The following AGO1 variants were observed in gnomAD, a reference collection of about 807,000 sequenced individuals.
The protein encoded by AGO1 is protein argonaute-1.
Under a neutral mutation model 109.2 loss-of-function variants are expected in AGO1, and 11 were observed. That is an observed-to-expected ratio of 0.10 (90% CI 0.06 to 0.17). The LOEUF (loss-of-function observed/expected upper bound fraction) is 0.17. AGO1 is among the 10% of genes least tolerant of loss of function. AGO1 has a pLI of 1.00. For missense variants in AGO1, 574 were observed against 1,140.3 expected, an observed-to-expected ratio of 0.50 and a Z score of 7.15; for synonymous variants, 422 against 418.6, an observed-to-expected ratio of 1.01 and a Z score of -0.10.
intron 1 of AGO1, among the ~76,000 whole-genome samples, chr1:35,885,719 A>T (rs950877802): frequency 1.3e-5 from 2 of 152,272 alleles, no homozygotes; most frequent in African/African-American, 4.8e-5. Context: ...TTCCAAGCAC[A>T]TACAGTGGAC....
Position 35,893,550 on chromosome 1 carries a change from G to T in AGO1, c.513-124G>T. 1 of 1,041,440 alleles carries T rather than the reference G, an allele frequency of 9.6e-7. No individual in the cohort carries two copies. 64.5% of individuals were successfully genotyped at this position (1,041,440 alleles called of 1,614,324 possible). A position where few individuals can be genotyped will look rare whatever the true frequency, so the allele number is the denominator to read the frequency against. On this transcript the variant is annotated intron_variant, in intron 4 of 18. Coordinates refer to ENST00000373204, the MANE Select transcript of AGO1 (RefSeq NM_012199.5). This position sits in a 1 kb window ranked among gnomAD's most constrained non-coding sequence, Gnocchi z 5.6. The stretch of plus-strand genomic sequence containing the variant: ...CAAGGTCAGTCATACAACTAGTAAA[G>T]CATCAGAGCTGGCATTAAAGCCCCG...
chr1:35,890,457 TAAC>T lies in AGO1; in HGVS notation c.209+1850_209+1852del, dbSNP rs528256650. On this transcript the variant is annotated intron_variant, in intron 2 of 18. Coordinates refer to ENST00000373204, the MANE Select transcript of AGO1 (RefSeq NM_012199.5). The stretch of plus-strand genomic sequence containing the variant: ...GTTCTATACTTTGCATTTTTCCACT[TAAC>T]AATATATTTTTGAAGATATTACATA... 1.9e-3 allele frequency among the ~76,000 whole-genome samples: 285 copies of T among 152,318 alleles called. 2 individuals carry two copies. Among genetic ancestry groups the T allele is most frequent in the African/African-American group, 6.6e-3 (273 of 41,580 alleles).
rs1411490768 is a variant in AGO1, at chr1:35,919,954, A to C, written c.*347A>C. ...AAGACTCATGCTTGACAGCTTGGTA[A>C]GGTCAACTCTGTAGCCCTGCAGACA... On this transcript the variant is annotated 3_prime_UTR_variant, in exon 19 of 19. Transcript: ENST00000373204. This position sits in a 1 kb window ranked among gnomAD's most constrained non-coding sequence, Gnocchi z 6.6. 1 of 219,648 alleles carries C rather than the reference A, an allele frequency of 4.6e-6. No homozygotes were observed. The highest frequency in any genetic ancestry group is 9.1e-6 in the Non-Finnish European group (1 of 109,722). 13.6% of individuals were successfully genotyped at this position (219,648 alleles called of 1,614,324 possible).
chr1:35,888,308 C>A lies in AGO1; in HGVS notation c.26-119C>A. 2.0e-6 allele frequency: 2 copies of A among 1,007,212 alleles called. No individual in the cohort carries two copies. Among genetic ancestry groups the A allele is most frequent in the Non-Finnish European group, 2.9e-6 (2 of 689,514 alleles). The allele number at this position is 1,007,212 out of a possible 1,614,324, so 62.4% of individuals were successfully genotyped here. ...GGAAGCCCTTGGCTGGGTTGGGTAGCAGGAAAGAGGCATTCTCTATACTCT... is the reference window on the plus strand; with the variant it reads ...GGAAGCCCTTGGCTGGGTTGGGTAGAAGGAAAGAGGCATTCTCTATACTCT... On this transcript the variant is annotated intron_variant, in intron 1 of 18. Transcript: ENST00000373204. The surrounding 1 kb of genome is among the most constrained non-coding windows in gnomAD (Gnocchi z 4.1).
intron 12 of AGO1, among the ~76,000 whole-genome samples, chr1:35,911,070 GA>G (rs150487636): frequency 0.042 from 6,172 of 148,554 alleles, 418 homozygotes; most frequent in African/African-American, 0.14. Flanking sequence ...TGTCTCAAAA[GA>G]AAAAAAAAAT....
In AGO1 at chr1:35,921,325, C is replaced by T. The variant is rs1446323086; in HGVS notation, c.*1718C>T. The T allele has an allele frequency of 1.6e-5, 2 of 128,776 alleles. No homozygotes were observed. The highest frequency in any genetic ancestry group is 1.5e-5 in the Non-Finnish European group (1 of 64,962). The allele number at this position is 128,776 out of a possible 1,614,324, so 8.0% of individuals were successfully genotyped here. A position where few individuals can be genotyped will look rare whatever the true frequency, so the allele number is the denominator to read the frequency against. ...TTTTGTCTTGAGACATGGGGTTTGGCTGTCTTGCAGGACTGGAGAAGGTGG... is the reference window on the plus strand; with the variant it reads ...TTTTGTCTTGAGACATGGGGTTTGGTTGTCTTGCAGGACTGGAGAAGGTGG... On this transcript the variant is annotated 3_prime_UTR_variant, in exon 19 of 19. Transcript: ENST00000373204.
In AGO1 at chr1:35,883,707, C is replaced by T. The variant is rs1176221135; in HGVS notation, c.25+261C>T. Among the ~76,000 whole-genome samples, 3 of 152,180 alleles carry T rather than the reference C, an allele frequency of 2.0e-5. No homozygotes were observed. Among genetic ancestry groups the T allele is most frequent in the Non-Finnish European group, 2.9e-5 (2 of 68,034 alleles). On this transcript the variant is annotated intron_variant, in intron 1 of 18. Coordinates refer to ENST00000373204, the MANE Select transcript of AGO1 (RefSeq NM_012199.5). This position sits in a 1 kb window ranked among gnomAD's most constrained non-coding sequence, Gnocchi z 5.4. Reference sequence around the variant, plus strand: ...AATCTGGGAGAAGGGCCTGCACGCACGGAAGGACTCCCAGACATCCGTGGA... The same window carrying T: ...AATCTGGGAGAAGGGCCTGCACGCATGGAAGGACTCCCAGACATCCGTGGA...
At chr1:35,874,235 A>G (rs1476523274) in intron 1 of AGO1, among the ~76,000 whole-genome samples, 1 of 152,152 alleles carries the variant, frequency 6.6e-6, no homozygotes, top group Non-Finnish European at 1.5e-5. Flanking sequence ...AGGCATGATC[A>G]TGGCTCACTG....
At chr1:35,904,005 T>A (rs1392050969) in intron 11 of AGO1, among the ~76,000 whole-genome samples, 1 of 151,658 alleles carries the variant, frequency 6.6e-6, no homozygotes, top group South Asian at 2.1e-4. Context: ...ATCTGGAGAC[T>A]ATGGGACCTG....
chr1:35,918,665 C>T (rs1280323745), intron 17 of AGO1, among the ~76,000 whole-genome samples: 1 of 152,182 alleles, frequency 6.6e-6, no homozygotes, highest in African/African-American at 2.4e-5. Context: ...TTCCTGCCTT[C>T]CCGCCTCAGC....
rs1645967015 is a variant in AGO1 at position 35,928,237 on chromosome 1, C to T, written c.*8630C>T. 6.6e-6 allele frequency: 1 copy of T among 152,216 alleles called. No individual in the cohort carries two copies. The allele number at this position is 152,216 out of a possible 1,614,324, so 9.4% of individuals were successfully genotyped here. On this transcript the variant is annotated 3_prime_UTR_variant, in exon 19 of 19. Coordinates refer to ENST00000373204, the MANE Select transcript of AGO1 (RefSeq NM_012199.5). The stretch of plus-strand genomic sequence containing the variant: ...GTGATATTGATCATCTTTTCATGTG[C>T]TCACTTACTATCCCCATATCTTTGT...
chr1:35,915,405 C>G lies in AGO1; in HGVS notation c.1891C>G (p.Arg631Gly). 1 of 1,614,046 alleles carries G rather than the reference C, an allele frequency of 6.2e-7. No individual in the cohort carries two copies. The highest frequency in any genetic ancestry group is 1.1e-5 in the South Asian group (1 of 91,084). The change falls in exon 15 of 19, where the codon CGA becomes GGA. Residue 631 changes from arginine (R) to glycine (G), a missense_variant. Arg to Gly is a moderately radical substitution (Grantham distance 125). Coordinates refer to ENST00000373204, the MANE Select transcript of AGO1 (RefSeq NM_012199.5). ...SRYCATVRVQ[R>G]PRQEIIEDLS... ...ATACTGTGCTACTGTGCGGGTACAGCGACCACGGCAAGAGATCATTGAAGA... is the reference window on the plus strand; with the variant it reads ...ATACTGTGCTACTGTGCGGGTACAGGGACCACGGCAAGAGATCATTGAAGA...
At chr1:35,905,150 G>A (rs114817834) in intron 11 of AGO1, among the ~76,000 whole-genome samples, 7 of 152,114 alleles carry the variant, frequency 4.6e-5, no homozygotes, top group African/African-American at 7.2e-5. Flanking sequence ...GAGAAGATTG[G>A]AAATAACGTC....
chr1:35,905,910 G>A (rs977565835), intron 11 of AGO1, among the ~76,000 whole-genome samples: 1 of 152,132 alleles, frequency 6.6e-6, no homozygotes, highest in Non-Finnish European at 1.5e-5. Flanking sequence ...TACTAAATAT[G>A]TGAAAAAATA....
chr1:35,908,579 T>C (rs1051677605), intron 12 of AGO1, among the ~76,000 whole-genome samples: 3 of 152,204 alleles, frequency 2.0e-5, no homozygotes, highest in African/African-American at 4.8e-5. Flanking sequence ...AAAACAGATA[T>C]AGTCTCTGCT....
chr1:35,901,736 C>T lies in AGO1; in HGVS notation c.1140+143C>T, dbSNP rs551164665. 9.4e-6 allele frequency: 13 copies of T among 1,387,552 alleles called. No individual in the cohort carries two copies. The highest frequency in any genetic ancestry group is 2.7e-5 in the South Asian group (2 of 72,834). 86.0% of individuals were successfully genotyped at this position (1,387,552 alleles called of 1,614,324 possible). On this transcript the variant is annotated intron_variant, in intron 9 of 18. Coordinates refer to ENST00000373204, the MANE Select transcript of AGO1 (RefSeq NM_012199.5). The surrounding 1 kb of genome is among the most constrained non-coding windows in gnomAD (Gnocchi z 4.8). ...TATAAGGCTGCTTTTGCTTCTTGAC[C>T]GTATAGCTACTTTGCTTTCTGTCTC...
Position 35,914,175 on chromosome 1 carries a change from C to T in AGO1, c.1743-9C>T, listed in dbSNP as rs748914696. On this transcript the variant is annotated splice_polypyrimidine_tract_variant and intron_variant, in intron 13 of 18. Transcript: ENST00000373204. ...CGCCTCACCATTTTGTTTTCTCTTCCTTGCTCAGCTCTGCCGTTTTTCAAC... is the reference window on the plus strand; with the variant it reads ...CGCCTCACCATTTTGTTTTCTCTTCTTTGCTCAGCTCTGCCGTTTTTCAAC... 6.2e-7 allele frequency: 1 copy of T among 1,614,068 alleles called. No homozygotes were observed. Among genetic ancestry groups the T allele is most frequent in the South Asian group, 1.1e-5 (1 of 91,082 alleles).
rs902852262 is a variant in AGO1 at position 35,922,271 on chromosome 1, A to G, written c.*2664A>G. ...AAGAGAATCAGCTTTGGGCAATGAC[A>G]AGAAATGAGTTCTTACTCTGATTTT... On this transcript the variant is annotated 3_prime_UTR_variant, in exon 19 of 19. Coordinates refer to ENST00000373204, the MANE Select transcript of AGO1 (RefSeq NM_012199.5). 6.5e-6 allele frequency: 1 copy of G among 152,676 alleles called. No homozygotes were observed. Among genetic ancestry groups the G allele is most frequent in the Non-Finnish European group, 1.5e-5 (1 of 68,050 alleles). 9.5% of individuals were successfully genotyped at this position (152,676 alleles called of 1,614,324 possible). A position where few individuals can be genotyped will look rare whatever the true frequency, so the allele number is the denominator to read the frequency against.
intron 12 of AGO1, 73 bp from the exon 13 acceptor site, chr1:35,913,769 C>T: frequency 6.7e-7 from 1 of 1,503,596 alleles, no homozygotes; most frequent in Non-Finnish European, 9.1e-7. Context: ...GCACCTCATA[C>T]ACTGCCTGGC....
Sources: gnomAD v4.1 joint callset for allele counts (sites outside exome capture counted in the v4.1 genomes callset) on GRCh38, gnomAD v4.1.1 for gene constraint, Gnocchi (gnomAD v3.1) non-coding constraint, MANE v1.5 for transcripts, NCBI Gene and HGNC (gene_info 2026-07-23, HGNC 2026-07-21) for gene names.